Variants in LHFPL3 observed in about 807,000 individuals in gnomAD.
LHFPL3 encodes LHFPL tetraspan subfamily member 3 protein.
LHFPL3 carries 5 observed loss-of-function variants against 19.3 expected under a neutral mutation model. The observed-to-expected ratio is 0.26, with a 90% CI of 0.14 to 0.54. The LOEUF is 0.54. LHFPL3 is among the 20% of genes least tolerant of loss of function. LHFPL3 has a pLI of 0.94. For missense variants in LHFPL3, 249 were observed against 307.4 expected (o/e 0.81, Z 1.42); for synonymous variants, 133 against 126.2 (o/e 1.05, Z -0.36).
chr7:104,377,055 G>C (rs1019368941), intron 1 of LHFPL3, among the ~76,000 whole-genome samples: 1 of 152,170 alleles, frequency 6.6e-6, no homozygotes, highest in African/African-American at 2.4e-5. Flanking sequence ...CAAATATTTG[G>C]ATAATGTCCA....
intron 1 of LHFPL3, among the ~76,000 whole-genome samples, chr7:104,602,650 G>A (rs1790992562): frequency 6.6e-6 from 1 of 152,180 alleles, no homozygotes; most frequent in Non-Finnish European, 1.5e-5. Flanking sequence ...CAGTAGAAGA[G>A]TTTCATTCAA....
intron 2 of LHFPL3, among the ~76,000 whole-genome samples, chr7:104,875,987 T>C (rs1158504069): frequency 1.3e-5 from 2 of 152,194 alleles, no homozygotes; most frequent in African/African-American, 4.8e-5. Context: ...ATAAATTCAA[T>C]ACTGAACAGA....
intron 1 of LHFPL3, among the ~76,000 whole-genome samples, chr7:104,459,116 C>A (rs1056313432): frequency 1.3e-5 from 2 of 152,214 alleles, no homozygotes; most frequent in African/African-American, 4.8e-5. Flanking sequence ...TGATTTCCTG[C>A]AGTTACTAAT....
At chr7:104,734,466 A>T (rs1402536570) in intron 1 of LHFPL3, among the ~76,000 whole-genome samples, 1 of 152,014 alleles carries the variant, frequency 6.6e-6, no homozygotes, top group Non-Finnish European at 1.5e-5. Context: ...CATTTCATTC[A>T]TTTGATCTTC....
intron 1 of LHFPL3, among the ~76,000 whole-genome samples, chr7:104,674,227 T>G (rs1435177836): frequency 6.6e-6 from 1 of 151,920 alleles, no homozygotes; most frequent in Non-Finnish European, 1.5e-5. Context: ...CCACACAGTC[T>G]TACTGTCAAT....
At chr7:104,582,332 C>A (rs2385239) in intron 1 of LHFPL3, among the ~76,000 whole-genome samples, 20,411 of 151,908 alleles carry the variant, frequency 0.13, 1,432 homozygotes, top group Non-Finnish European at 0.14. Context: ...TGCCAACTTA[C>A]TAAATTCACT....
intron 1 of LHFPL3, among the ~76,000 whole-genome samples, chr7:104,609,860 A>C (rs141212341): frequency 6.6e-6 from 1 of 152,318 alleles, no homozygotes; most frequent in East Asian, 1.9e-4. Flanking sequence ...ATTCTCAGAC[A>C]TTTTCAGTGG....
chr7:104,383,303 T>A (rs1484818713), intron 1 of LHFPL3, among the ~76,000 whole-genome samples: 1 of 152,184 alleles, frequency 6.6e-6, no homozygotes, highest in Non-Finnish European at 1.5e-5. Context: ...ATAGGTAGGG[T>A]CTTGGGCCAC....
chr7:104,523,795 A>T (rs1794128839), intron 1 of LHFPL3, among the ~76,000 whole-genome samples: 2 of 152,188 alleles, frequency 1.3e-5, no homozygotes. Context: ...CTTCCTTTTG[A>T]TTTAGTAATA....
chr7:104,756,209 T>G (rs1329505955), intron 2 of LHFPL3, among the ~76,000 whole-genome samples: 1 of 152,180 alleles, frequency 6.6e-6, no homozygotes, highest in East Asian at 1.9e-4. Flanking sequence ...AAGTAAGGAC[T>G]GAGATTAGTT....
intron 2 of LHFPL3, among the ~76,000 whole-genome samples, chr7:104,903,462 CTTT>C (rs34097567): frequency 7.1e-5 from 9 of 126,742 alleles, no homozygotes; most frequent in Admixed American, 1.6e-4. Flanking sequence ...TCTAGTTATA[CTTT>C]TTTTTTTTTT....
At chr7:104,604,967 T>G (rs983388644) in intron 1 of LHFPL3, among the ~76,000 whole-genome samples, 1 of 152,204 alleles carries the variant, frequency 6.6e-6, no homozygotes, top group African/African-American at 2.4e-5. Context: ...TGTACTTTAC[T>G]GGGGGAAAAC....
At chr7:104,452,230 A>C (rs1240606778) in intron 1 of LHFPL3, among the ~76,000 whole-genome samples, 2 of 152,172 alleles carry the variant, frequency 1.3e-5, no homozygotes, top group Non-Finnish European at 2.9e-5. Flanking sequence ...TTATTTACTC[A>C]AAGTAAGGGA....
chr7:104,669,866 G>C (rs1173456683), intron 1 of LHFPL3, among the ~76,000 whole-genome samples: 4 of 152,180 alleles, frequency 2.6e-5, no homozygotes, highest in African/African-American at 9.7e-5. Context: ...TTAGTGCCTA[G>C]GGGTCTCCAT....
At chr7:104,760,015 A>T (rs542160964) in intron 2 of LHFPL3, among the ~76,000 whole-genome samples, 1 of 152,254 alleles carries the variant, frequency 6.6e-6, no homozygotes, top group South Asian at 2.1e-4. Context: ...TGGTTCCCAA[A>T]TCAGTGAGTG....
At chr7:104,520,777 T>G (rs1250297020) in intron 1 of LHFPL3, among the ~76,000 whole-genome samples, 2 of 136,410 alleles carry the variant, frequency 1.5e-5, no homozygotes, top group African/African-American at 5.4e-5. Flanking sequence ...TGTATTTCTG[T>G]GGGATCGGTG....
intron 1 of LHFPL3, among the ~76,000 whole-genome samples, chr7:104,684,360 A>T (rs1021372986): frequency 6.6e-6 from 1 of 152,256 alleles, no homozygotes; most frequent in African/African-American, 2.4e-5. Context: ...GCCAGATAGT[A>T]AATATTTTAG....
At chr7:104,830,538 G>C (rs1275149925) in intron 2 of LHFPL3, among the ~76,000 whole-genome samples, 1 of 151,776 alleles carries the variant, frequency 6.6e-6, no homozygotes, top group Non-Finnish European at 1.5e-5. Flanking sequence ...TCCAGTTTCA[G>C]CTTTCTACAT....
chr7:104,645,785 C>T (rs1242551930), intron 1 of LHFPL3, among the ~76,000 whole-genome samples: 6 of 150,872 alleles, frequency 4.0e-5, no homozygotes, highest in Admixed American at 6.6e-5. Flanking sequence ...CTCAGCCTCC[C>T]GAGTAGCTGG....
Sources: gnomAD v4.1 joint callset for allele counts (sites outside exome capture counted in the v4.1 genomes callset) on GRCh38, gnomAD v4.1.1 for gene constraint, MANE v1.5 for transcripts, NCBI Gene and HGNC (gene_info 2026-07-23, HGNC 2026-07-21) for gene names.